SPAG17: variants seen among roughly 807,000 people sequenced by gnomAD.
SPAG17 encodes sperm-associated antigen 17.
A neutral mutation model predicts 273.6 loss-of-function variants in SPAG17; 169 were observed. The ratio of observed to expected loss-of-function variants is 0.62; its 90% CI spans 0.55 to 0.70. SPAG17 has a LOEUF of 0.70. Among genes scored for constraint, SPAG17 ranks in the 30% least tolerant of loss-of-function variants. SPAG17 has a pLI of 0.00. For missense variants in SPAG17, 2,557 were observed against 2,627.8 expected (o/e 0.97, Z 0.59); for synonymous variants, 825 against 873.2 (o/e 0.94, Z 0.97).
At chr1:118,075,462 G>A (rs1170585982) in intron 15 of SPAG17, among the ~76,000 whole-genome samples, 2 of 152,224 alleles carry the variant, frequency 1.3e-5, no homozygotes, top group East Asian at 1.9e-4. Context: ...ATAGATCAAC[G>A]AACATCTCAC....
intron 3 of SPAG17, among the ~76,000 whole-genome samples, chr1:118,147,823 T>C (rs1224831772): frequency 1.3e-5 from 2 of 152,190 alleles, no homozygotes; most frequent in African/African-American, 4.8e-5. Flanking sequence ...ATTGGAAATA[T>C]GCAATGTGGC....
intron 46 of SPAG17, among the ~76,000 whole-genome samples, chr1:117,969,384 G>A (rs573099136): frequency 1.5e-4 from 23 of 152,186 alleles, no homozygotes; most frequent in Middle Eastern, 3.4e-3. Flanking sequence ...TTCGAGACCA[G>A]CCTGACTAGC....
In SPAG17 at chr1:118,093,146, C is replaced by G; in HGVS notation, c.1173+10G>C. 6.2e-7 allele frequency: 1 copy of G among 1,610,040 alleles called. No homozygotes were observed. ...ATTCATCCCACTAAAGACATTGAGC[C>G]CATGCCTACCTCTGAAGTTGGCATG... On this transcript the variant is annotated intron_variant, in intron 8 of 48. Coordinates refer to ENST00000336338, the MANE Select transcript of SPAG17 (RefSeq NM_206996.4).
rs148081731 is a variant in SPAG17, at chr1:118,137,792, C to A, written c.315+12751G>T. 1.3e-3 allele frequency among the ~76,000 whole-genome samples: 202 copies of A among 152,148 alleles called. 2 individuals carry two copies. Among genetic ancestry groups the A allele is most frequent in the African/African-American group, 4.5e-3 (187 of 41,524 alleles). On this transcript the variant is annotated intron_variant, in intron 3 of 48. Transcript: ENST00000336338. ...TTGAGTGCCTATAATATGCACAGTA[C>A]CTTTTCAATATATAAATGAATTTCT...
intron 46 of SPAG17, among the ~76,000 whole-genome samples, 154 bp downstream of exon 46, chr1:117,969,902 G>A (rs959379763): frequency 1.3e-5 from 2 of 152,110 alleles, no homozygotes; most frequent in East Asian, 1.9e-4. Context: ...GTATCACTAC[G>A]AGAAATCTTT....
intron 44 of SPAG17, among the ~76,000 whole-genome samples, chr1:117,973,099 T>C (rs189828754): frequency 6.6e-6 from 1 of 152,344 alleles, no homozygotes; most frequent in East Asian, 1.9e-4. Context: ...TTTATCAATT[T>C]TGTGGTGCTA....
Position 118,055,885 on chromosome 1 carries a change from A to G in SPAG17, c.2570T>C (p.Ile857Thr). The G allele has an allele frequency of 1.9e-6, 3 of 1,607,136 alleles. No individual in the cohort carries two copies. The highest frequency in any genetic ancestry group is 2.5e-6 in the Non-Finnish European group (3 of 1,178,400). ...RNYLELVAKS[I>T]QDWITKEEAI... is the part of the protein sequence containing the mutation. ...TTCTTCTTTTGTAATCCAATCTTGA[A>G]TAGATTTTGCAACAAGTTCCAAATA... The change falls in exon 19 of 49, where the codon ATT (isoleucine) becomes ACT (threonine). Residue 857 changes from isoleucine (I) to threonine (T), a missense_variant. Physicochemically the swap from Ile to Thr is moderately conservative, Grantham distance 89. Transcript: ENST00000336338.
At chr1:118,143,881 G>A (rs976985842) in intron 3 of SPAG17, among the ~76,000 whole-genome samples, 1 of 152,022 alleles carries the variant, frequency 6.6e-6, no homozygotes, top group Admixed American at 6.6e-5. Flanking sequence ...GGTCTGTCTT[G>A]GAACTCCTGA....
At chr1:118,135,659 G>C (rs1342251394) in intron 3 of SPAG17, among the ~76,000 whole-genome samples, 1 of 152,128 alleles carries the variant, frequency 6.6e-6, no homozygotes, top group East Asian at 1.9e-4. Flanking sequence ...TATTCTAAAT[G>C]TGAGATGTTT....
intron 28 of SPAG17, 66 bp downstream of exon 28, chr1:118,023,238 G>T: frequency 8.5e-7 from 1 of 1,177,858 alleles, no homozygotes; most frequent in African/African-American, 1.5e-5. Flanking sequence ...TAATAATATT[G>T]AACACTTATT....
At chr1:118,037,003 T>C in intron 23 of SPAG17, 120 bp from the exon 24 acceptor site, 1 of 697,884 alleles carries the variant, frequency 1.4e-6, no homozygotes, top group South Asian at 1.9e-5. Context: ...ACTTAAAAAA[T>C]AATTGGTTTA....
At chr1:117,964,617 T>G (rs910596046) in intron 47 of SPAG17, 3 of 152,122 alleles carry the variant, frequency 2.0e-5, no homozygotes, top group African/African-American at 2.4e-5. Flanking sequence ...GTGAGGACTT[T>G]CCTTTCCTAT....
In SPAG17 at chr1:118,025,332, T is replaced by C; in HGVS notation, c.3815A>G (p.Tyr1272Cys). Residue 1272 changes from tyrosine to cysteine, a missense_variant, in exon 27 of 49, where the codon TAT becomes TGT. Coordinates refer to ENST00000336338, the MANE Select transcript of SPAG17 (RefSeq NM_206996.4). ...YPQRVKHYEF[Y>C]KTVMPPAEQE... The stretch of plus-strand genomic sequence containing the variant: ...CTCTGCGGGTGGCATCACCGTTTTA[T>C]AGAACTCATAGTGCTTCACCCTCTG... 3 of 1,613,582 alleles carry C rather than the reference T, an allele frequency of 1.9e-6. No homozygotes were observed. The highest frequency in any genetic ancestry group is 2.5e-6 in the Non-Finnish European group (3 of 1,179,752).
chr1:118,092,705 C>A (rs940976953), intron 8 of SPAG17, among the ~76,000 whole-genome samples: 1 of 152,144 alleles, frequency 6.6e-6, no homozygotes, highest in Non-Finnish European at 1.5e-5. Flanking sequence ...AAGTTTATTT[C>A]TTCTACTGCA....
intron 3 of SPAG17, among the ~76,000 whole-genome samples, chr1:118,124,407 G>A (rs1657589703): frequency 6.6e-6 from 1 of 152,156 alleles, no homozygotes; most frequent in African/African-American, 2.4e-5. Flanking sequence ...AGCTTGGAAG[G>A]TTAAATCCTT....
At chr1:118,112,861 T>A (rs1194119321) in intron 4 of SPAG17, among the ~76,000 whole-genome samples, 1 of 152,112 alleles carries the variant, frequency 6.6e-6, no homozygotes, top group Non-Finnish European at 1.5e-5. Context: ...TAAAATGTTA[T>A]TAAAAGTAGT....
intron 20 of SPAG17, among the ~76,000 whole-genome samples, chr1:118,046,680 C>T (rs1456656327): frequency 6.6e-6 from 1 of 152,006 alleles, no homozygotes; most frequent in Non-Finnish European, 1.5e-5. Flanking sequence ...CATGTAGGTA[C>T]TTATGCAATG....
chr1:117,986,302 C>T (rs147762356), intron 40 of SPAG17, among the ~76,000 whole-genome samples: 61 of 152,336 alleles, frequency 4.0e-4, no homozygotes, highest in African/African-American at 1.3e-3. Flanking sequence ...ACAAAAGAAA[C>T]TAATCAACCT....
At chr1:118,031,000 C>G (rs1648393608) in intron 25 of SPAG17, among the ~76,000 whole-genome samples, 1 of 151,910 alleles carries the variant, frequency 6.6e-6, no homozygotes. Context: ...GGTTCTAGGT[C>G]CTTGAGGAAT....
Sources: allele counts gnomAD v4.1 joint callset (sites outside exome capture counted in the v4.1 genomes callset), GRCh38; gene constraint gnomAD v4.1.1; transcripts MANE v1.5; gene names NCBI Gene and HGNC (gene_info 2026-07-23, HGNC 2026-07-21).